PITPNC1: variants seen among roughly 807,000 people sequenced by gnomAD.
The protein encoded by PITPNC1 is cytoplasmic phosphatidylinositol transfer protein 1.
A neutral mutation model predicts 44.7 loss-of-function variants in PITPNC1; 18 were observed. The ratio of observed to expected loss-of-function variants is 0.40; its 90% CI spans 0.28 to 0.60. The LOEUF (loss-of-function observed/expected upper bound fraction) is 0.60, where lower values mean the gene tolerates loss of function less well. Ranked by LOEUF, PITPNC1 falls within the 20% of genes least tolerant of loss-of-function variation. PITPNC1 has a pLI of 0.39. For missense variants in PITPNC1, 290 were observed against 418.4 expected (o/e 0.69, Z 2.68); for synonymous variants, 141 against 149.6 (o/e 0.94, Z 0.42).
chr17:67,556,977 G>T (rs2040845549), intron 4 of PITPNC1, among the ~76,000 whole-genome samples: 1 of 152,180 alleles, frequency 6.6e-6, no homozygotes, highest in Admixed American at 6.5e-5. Flanking sequence ...CTCAGAGAAG[G>T]TCGCATTTGG....
At chr17:67,626,084 C>T (rs979345810) in intron 5 of PITPNC1, among the ~76,000 whole-genome samples, 9 of 151,524 alleles carry the variant, frequency 5.9e-5, no homozygotes, top group African/African-American at 1.5e-4. Flanking sequence ...CCTCTCGGCT[C>T]AAGAGATTCT....
intron 1 of PITPNC1, among the ~76,000 whole-genome samples, chr17:67,517,754 G>T (rs2144101710): frequency 6.6e-6 from 1 of 152,334 alleles, no homozygotes; most frequent in South Asian, 2.1e-4. Flanking sequence ...ACTGGGAGGA[G>T]AAGAGAATCA....
intron 1 of PITPNC1, among the ~76,000 whole-genome samples, chr17:67,479,431 A>T (rs2039674862): frequency 6.6e-6 from 1 of 151,752 alleles, no homozygotes. Context: ...ATGGAAATAA[A>T]TCATTAGCTA....
chr17:67,566,049 C>T (rs77697435), intron 4 of PITPNC1, among the ~76,000 whole-genome samples: 8 of 152,064 alleles, frequency 5.3e-5, no homozygotes, highest in South Asian at 2.1e-4. Context: ...GTTTTAGAGT[C>T]GATCCCAATG....
intron 1 of PITPNC1, among the ~76,000 whole-genome samples, chr17:67,454,567 T>G (rs900016018): frequency 6.6e-6 from 1 of 152,148 alleles, no homozygotes; most frequent in Non-Finnish European, 1.5e-5. Context: ...CTGCAGGATA[T>G]AGTTTGTGGA....
chr17:67,541,035 G>T (rs552466424), intron 2 of PITPNC1, among the ~76,000 whole-genome samples: 68 of 152,092 alleles, frequency 4.5e-4, no homozygotes, highest in Admixed American at 2.2e-3. Flanking sequence ...TGGCCAACAT[G>T]GTGAAACCCT....
At chr17:67,513,825 T>C (rs2040223636) in intron 1 of PITPNC1, among the ~76,000 whole-genome samples, 1 of 152,220 alleles carries the variant, frequency 6.6e-6, no homozygotes, top group Non-Finnish European at 1.5e-5. Context: ...CCTATGGATC[T>C]ATCATTCTTT....
rs566106934 is a variant in PITPNC1, at chr17:67,458,853, T to A, written c.49-73949T>A. Among the ~76,000 whole-genome samples the A allele has an allele frequency of 1.4e-4, 22 of 152,288 alleles. No individual in the cohort carries two copies. The South Asian group carries it at 4.3e-3, about 30-fold the overall frequency. ...CAATTTGCATTGCTTCTTCTAGAGA[T>A]CTCAGGAGTGTCACTGCCTTGGGGC... On this transcript the variant is annotated intron_variant, in intron 1 of 8. Transcript: ENST00000581322.
intron 1 of PITPNC1, among the ~76,000 whole-genome samples, chr17:67,386,116 TA>T (rs1288093685): frequency 6.6e-6 from 1 of 152,184 alleles, no homozygotes; most frequent in Non-Finnish European, 1.5e-5. Flanking sequence ...GCAAAGCGAG[TA>T]ATATTCATTT....
rs185304023 is a variant in PITPNC1 at position 67,498,359 on chromosome 17, C to T, written c.49-34443C>T. 2.9e-4 allele frequency among the ~76,000 whole-genome samples: 44 copies of T among 152,114 alleles called. No homozygotes were observed. The East Asian group carries it at 7.5e-3, about 26-fold the overall frequency. On this transcript the variant is annotated intron_variant, in intron 1 of 8. Transcript: ENST00000581322. ...CTGTAATCCCAGCACTTTGGGAGGC[C>T]GAGGCGGGCAGATCATCTGCAGTCA...
intron 6 of PITPNC1, among the ~76,000 whole-genome samples, chr17:67,652,669 C>G (rs1216658018): frequency 6.6e-6 from 1 of 152,212 alleles, no homozygotes; most frequent in Admixed American, 6.5e-5. Context: ...CCGAGAGGAG[C>G]TGGGCAGGGC....
intron 1 of PITPNC1, among the ~76,000 whole-genome samples, chr17:67,521,759 G>A (rs1414817640): frequency 6.6e-6 from 1 of 152,174 alleles, no homozygotes; most frequent in Non-Finnish European, 1.5e-5. Context: ...TGGTCTCACT[G>A]TAGAGTTACT....
chr17:67,684,583 AGT>A (rs1409127691), intron 8 of PITPNC1, among the ~76,000 whole-genome samples: 1 of 152,068 alleles, frequency 6.6e-6, no homozygotes, highest in East Asian at 1.9e-4. Context: ...ATATCCTTTC[AGT>A]GTTTTTTTAA....
In PITPNC1 at chr17:67,384,157, A is replaced by G. The variant is rs572510702; in HGVS notation, c.48+5955A>G. Among the ~76,000 whole-genome samples the G allele has an allele frequency of 3.3e-5, 5 of 152,064 alleles. 1 individual carries two copies. In the South Asian group the frequency reaches 8.3e-4, roughly 25 times the overall value. ...AGGGATTGATTTGTGGTCTCTAGGG[A>G]TATGGTGCACAATGCAGAAAAATAG... On this transcript the variant is annotated intron_variant, in intron 1 of 8. Coordinates refer to ENST00000581322, the MANE Select transcript of PITPNC1 (RefSeq NM_012417.4).
chr17:67,444,051 C>A (rs1164815503), intron 1 of PITPNC1, among the ~76,000 whole-genome samples: 1 of 151,944 alleles, frequency 6.6e-6, no homozygotes, highest in East Asian at 1.9e-4. Flanking sequence ...AAAATTGTAG[C>A]AAAAATAGAA....
At chr17:67,385,239 A>G (rs77401781) in intron 1 of PITPNC1, among the ~76,000 whole-genome samples, 2 of 152,150 alleles carry the variant, frequency 1.3e-5, no homozygotes, top group Admixed American at 1.3e-4. Context: ...CAGGCTGCAA[A>G]AACGCACCAA....
At chr17:67,417,730 A>G (rs1177261759) in intron 1 of PITPNC1, among the ~76,000 whole-genome samples, 3 of 152,110 alleles carry the variant, frequency 2.0e-5, no homozygotes, top group Non-Finnish European at 2.9e-5. Flanking sequence ...TCCCTCAGAC[A>G]TGGGAGCTCT....
intron 2 of PITPNC1, among the ~76,000 whole-genome samples, chr17:67,550,210 G>A (rs1598809547): frequency 6.6e-6 from 1 of 152,150 alleles, no homozygotes; most frequent in South Asian, 2.1e-4. Flanking sequence ...GCAGCAAGAA[G>A]GATTGTTATG....
chr17:67,540,578 G>A (rs1469742203), intron 2 of PITPNC1, among the ~76,000 whole-genome samples: 1 of 152,096 alleles, frequency 6.6e-6, no homozygotes, highest in African/African-American at 2.4e-5. Flanking sequence ...ATGCATGTCT[G>A]TTACCTTTCT....
Sources: allele counts gnomAD v4.1 joint callset (sites outside exome capture counted in the v4.1 genomes callset), GRCh38; gene constraint gnomAD v4.1.1; transcripts MANE v1.5; gene names NCBI Gene and HGNC (gene_info 2026-07-23, HGNC 2026-07-21).